MEGF9: variants seen among roughly 807,000 people sequenced by gnomAD.
MEGF9 encodes multiple epidermal growth factor-like domains protein 9.
MEGF9 carries 6 observed loss-of-function variants against 46.8 expected under a neutral mutation model. The ratio of observed to expected loss-of-function variants is 0.13; its 90% confidence interval spans 0.07 to 0.25. The LOEUF is 0.25. MEGF9 is among the 10% of genes least tolerant of loss of function. MEGF9 has a pLI of 1.00. For missense variants in MEGF9, 683 were observed against 792.4 expected, an observed-to-expected ratio of 0.86 and a Z score of 1.66; for synonymous variants, 302 against 330.7, an observed-to-expected ratio of 0.91 and a Z score of 0.94.
In MEGF9 at chr9:120,615,086, A is replaced by G. The variant is rs184837131; in HGVS notation, c.944-2547T>C. Among the ~76,000 whole-genome samples the G allele has an allele frequency of 2.3e-3, 349 of 151,876 alleles. 3 individuals carry two copies. The highest frequency in any genetic ancestry group is 7.8e-3 in the African/African-American group (321 of 41,416). On this transcript the variant is annotated intron_variant, in intron 3 of 5. Transcript: ENST00000373930. ...GAAACCCTATCTCTATTAAAAATAC[A>G]AAATTAGTCAGGTGTGGTAGTGCAT...
At chr9:120,625,096 G>A (rs940541774) in intron 2 of MEGF9, among the ~76,000 whole-genome samples, 67 of 152,206 alleles carry the variant, frequency 4.4e-4, no homozygotes, top group African/African-American at 1.6e-3. Context: ...TACTCCAACT[G>A]CAGTTAAACA....
chr9:120,642,007 TCCA>T (rs1197608092), intron 2 of MEGF9, among the ~76,000 whole-genome samples: 2 of 152,292 alleles, frequency 1.3e-5, no homozygotes, highest in South Asian at 4.1e-4. Context: ...CTCTCCACTT[TCCA>T]CCACAATGAC....
intron 2 of MEGF9, among the ~76,000 whole-genome samples, chr9:120,654,969 T>A (rs1326568825): frequency 6.6e-6 from 1 of 152,216 alleles, no homozygotes; most frequent in Non-Finnish European, 1.5e-5. Context: ...TGTACAACTG[T>A]ACAATGGACT....
chr9:120,639,224 C>G (rs937910526), intron 2 of MEGF9, among the ~76,000 whole-genome samples: 1 of 146,054 alleles, frequency 6.8e-6, no homozygotes, highest in Non-Finnish European at 1.5e-5. Context: ...GAGTAGGAAC[C>G]CTGGGCAGGG....
chr9:120,700,940 A>AATT (rs2043901879), intron 1 of MEGF9, among the ~76,000 whole-genome samples: 1 of 150,814 alleles, frequency 6.6e-6, no homozygotes, highest in Non-Finnish European at 1.5e-5. Flanking sequence ...TAATAATAAT[A>AATT]ATTAATTTAA....
intron 1 of MEGF9, among the ~76,000 whole-genome samples, chr9:120,701,452 T>C (rs190304008): frequency 1.4e-4 from 22 of 152,354 alleles, no homozygotes; most frequent in Non-Finnish European, 1.2e-4. Context: ...AGGCAGAATG[T>C]ATTCCTTTTT....
intron 2 of MEGF9, among the ~76,000 whole-genome samples, chr9:120,632,056 T>C (rs2043553012): frequency 6.6e-6 from 1 of 152,076 alleles, no homozygotes; most frequent in African/African-American, 2.4e-5. Flanking sequence ...GCCTCCTGAA[T>C]AGCTGGGACT....
rs1225529370 is a variant in MEGF9 at position 120,603,484 on chromosome 9, T to C, written c.*1706A>G. The C allele has an allele frequency of 1.3e-5, 2 of 152,162 alleles. No individual in the cohort carries two copies. Among genetic ancestry groups the C allele is most frequent in the African/African-American group, 4.8e-5 (2 of 41,392 alleles). The allele number at this position is 152,162 out of a possible 1,614,324, so 9.4% of individuals were successfully genotyped here. A position where few individuals can be genotyped will look rare whatever the true frequency, so the allele number is the denominator to read the frequency against. On this transcript the variant is annotated 3_prime_UTR_variant, in exon 6 of 6. Transcript: ENST00000373930. ...AAACCCTGAGAACAACTTAGGGGTC[T>C]CCTATAAAGGGATGACCAAGTTCTA...
intron 3 of MEGF9, among the ~76,000 whole-genome samples, chr9:120,614,978 G>A (rs1442319964): frequency 6.6e-6 from 1 of 151,722 alleles, no homozygotes; most frequent in African/African-American, 2.4e-5. Context: ...GGTGGCTCAC[G>A]CCTGTAATCC....
At chr9:120,695,510 A>T (rs1364095580) in intron 1 of MEGF9, among the ~76,000 whole-genome samples, 1 of 145,936 alleles carries the variant, frequency 6.9e-6, no homozygotes, top group Non-Finnish European at 1.5e-5. Flanking sequence ...AGGCTAAGGC[A>T]GGAGAATCGC....
intron 3 of MEGF9, among the ~76,000 whole-genome samples, chr9:120,615,537 A>C (rs2043468531): frequency 6.8e-6 from 1 of 148,022 alleles, no homozygotes; most frequent in South Asian, 2.1e-4. Context: ...ATCAATGAGT[A>C]AAAAAAAAAT....
chr9:120,662,898 G>C (rs1158194829), intron 1 of MEGF9, among the ~76,000 whole-genome samples: 1 of 152,226 alleles, frequency 6.6e-6, no homozygotes. Context: ...CATCTAGGTA[G>C]AGAATAAGAC....
At position 120,697,585 on chromosome 9, in the gene MEGF9, CTT is replaced by C. The variant is rs546468948; in HGVS notation, c.601+16171_601+16172del. ...AATGCTAATAAGCATGACATTGTCT[CTT>C]GTTAGCACCGATCCTCTTTGTGCTG... On this transcript the variant is annotated intron_variant, in intron 1 of 5. Transcript: ENST00000373930. 2.7e-3 allele frequency among the ~76,000 whole-genome samples: 411 copies of C among 152,304 alleles called. 2 individuals are homozygous for C. Among genetic ancestry groups the C allele is most frequent in the African/African-American group, 8.2e-3 (340 of 41,560 alleles).
At chr9:120,685,665 C>A (rs576649993) in intron 1 of MEGF9, among the ~76,000 whole-genome samples, 1 of 152,130 alleles carries the variant, frequency 6.6e-6, no homozygotes, top group Non-Finnish European at 1.5e-5. Flanking sequence ...AAAACAGTAT[C>A]GCAGTTTCCC....
Position 120,680,031 on chromosome 9 carries a change from C to A in MEGF9, c.602-20456G>T, listed in dbSNP as rs895753826. Among the ~76,000 whole-genome samples the A allele has an allele frequency of 3.3e-5, 5 of 151,934 alleles. No individual in the cohort carries two copies. In the South Asian group the frequency reaches 1.0e-3, roughly 32 times the overall value. ...GAATTTCTGTTATTTTTACTTATTT[C>A]AATTTCTGTTAAACGTCTCTAATAG... On this transcript the variant is annotated intron_variant, in intron 1 of 5. Transcript: ENST00000373930.
At chr9:120,651,517 G>C (rs1213096854) in intron 2 of MEGF9, among the ~76,000 whole-genome samples, 1 of 151,962 alleles carries the variant, frequency 6.6e-6, no homozygotes, top group African/African-American at 2.4e-5. Context: ...TAATAATAGT[G>C]TCTACATTAT....
At chr9:120,661,102 C>A (rs2043699813) in intron 1 of MEGF9, among the ~76,000 whole-genome samples, 2 of 152,168 alleles carry the variant, frequency 1.3e-5, no homozygotes, top group South Asian at 4.1e-4. Context: ...ACAAAAGATT[C>A]CTCAAAGAAA....
intron 1 of MEGF9, among the ~76,000 whole-genome samples, chr9:120,700,427 T>G (rs1188807776): frequency 6.6e-6 from 1 of 152,256 alleles, no homozygotes; most frequent in African/African-American, 2.4e-5. Context: ...GTACACTTTA[T>G]AACTATTCAA....
At chr9:120,706,544 C>G (rs2043929660) in intron 1 of MEGF9, among the ~76,000 whole-genome samples, 1 of 152,092 alleles carries the variant, frequency 6.6e-6, no homozygotes, top group South Asian at 2.1e-4. Flanking sequence ...ACAGAAAATT[C>G]AGGGAGGTGG....
Sources: gnomAD v4.1 joint callset for allele counts (sites outside exome capture counted in the v4.1 genomes callset) on GRCh38, gnomAD v4.1.1 for gene constraint, MANE v1.5 for transcripts, NCBI Gene and HGNC (gene_info 2026-07-23, HGNC 2026-07-21) for gene names.